The following WASF2 variants were observed in gnomAD, a reference collection of about 807,000 sequenced individuals.
The protein encoded by WASF2 is WASP family member 2.
In WASF2, 14 loss-of-function variants were observed where a neutral mutation model predicts 45.0. That is an observed-to-expected ratio of 0.31 (90% CI 0.21 to 0.49). The LOEUF (loss-of-function observed/expected upper bound fraction) is 0.49. Ranked by LOEUF, WASF2 falls within the 20% of genes least tolerant of loss-of-function variation. The probability of loss-of-function intolerance (pLI) is 0.99; values close to 1 mark genes in which losing one functional copy is unlikely to be tolerated. For synonymous variants in WASF2, 200 were observed against 236.3 expected (o/e 0.85, Z 1.41); for missense variants, 439 against 636.1 (o/e 0.69, Z 3.33).
At position 27,414,789 on chromosome 1, in the gene WASF2, G is replaced by A. The variant is rs770714048; in HGVS notation, c.668+44C>T. Reference sequence around the variant, plus strand: ...CAGAGCTGTCAGACTGTTGTCCCCAGCCCCTTCAAAGAATGCTACCAACAG... The same window carrying A: ...CAGAGCTGTCAGACTGTTGTCCCCAACCCCTTCAAAGAATGCTACCAACAG... On this transcript the variant is annotated intron_variant, in intron 6 of 8. Coordinates refer to ENST00000618852, the MANE Select transcript of WASF2 (RefSeq NM_006990.5). This position sits in a 1 kb window ranked among gnomAD's most constrained non-coding sequence, Gnocchi z 4.1. 3.1e-6 allele frequency: 5 copies of A among 1,606,282 alleles called. No individual in the cohort carries two copies. The Admixed American group carries it at 6.7e-5, about 22-fold the overall frequency.
At chr1:27,487,832 A>G (rs1442446017) in intron 1 of WASF2, among the ~76,000 whole-genome samples, 1 of 144,970 alleles carries the variant, frequency 6.9e-6, no homozygotes, top group African/African-American at 2.5e-5. Flanking sequence ...CCAAATTAGT[A>G]ATATGCTGAG....
At chr1:27,449,346 C>T (rs1221016987) in intron 1 of WASF2, among the ~76,000 whole-genome samples, 1 of 152,126 alleles carries the variant, frequency 6.6e-6, no homozygotes, top group Non-Finnish European at 1.5e-5. Context: ...GCCTATAATC[C>T]CAGCACTTTG....
At chr1:27,484,743 C>T (rs760604810) in intron 1 of WASF2, among the ~76,000 whole-genome samples, 19 of 148,510 alleles carry the variant, frequency 1.3e-4, no homozygotes, top group Non-Finnish European at 2.4e-4. Flanking sequence ...ACTCGGGAGG[C>T]GGAGGTTGCA....
rs748641427 is a variant in WASF2, at chr1:27,432,374, C to T, written c.-43-3441G>A. On this transcript the variant is annotated intron_variant, in intron 1 of 8. Transcript: ENST00000618852. ...TAAAAAAAGGCAGTTATAGGCCGGG[C>T]GCGGTGGCTCACGCCTGTAATTCCA... 3.3e-5 allele frequency among the ~76,000 whole-genome samples: 5 copies of T among 152,006 alleles called. No homozygotes were observed. The South Asian group carries it at 1.0e-3, about 31-fold the overall frequency.
At chr1:27,435,153 G>T (rs371333505) in intron 1 of WASF2, among the ~76,000 whole-genome samples, 18 of 152,208 alleles carry the variant, frequency 1.2e-4, no homozygotes, top group African/African-American at 3.9e-4. Flanking sequence ...CTCCATGTTG[G>T]TCAGGCTGGT....
chr1:27,443,331 A>G (rs76371555), intron 1 of WASF2, among the ~76,000 whole-genome samples: 1 of 89,642 alleles, frequency 1.1e-5, no homozygotes, highest in African/African-American at 4.1e-5. Flanking sequence ...AAAAAAAAAA[A>G]GGCCAGGCAC....
At chr1:27,415,111 G>A (rs562583912) in intron 5 of WASF2, 148 bp from the exon 6 acceptor site, 2 of 1,107,676 alleles carry the variant, frequency 1.8e-6, no homozygotes, top group South Asian at 1.6e-5. Flanking sequence ...TACTGGGTTT[G>A]AAGTGACCCA....
At chr1:27,464,213 C>A (rs2017585940) in intron 1 of WASF2, among the ~76,000 whole-genome samples, 1 of 151,568 alleles carries the variant, frequency 6.6e-6, no homozygotes, top group Admixed American at 6.6e-5. Flanking sequence ...AACCCCATCT[C>A]TACTAAAAAT....
intron 1 of WASF2, among the ~76,000 whole-genome samples, chr1:27,473,442 C>T (rs531214690): frequency 1.5e-5 from 2 of 130,308 alleles, no homozygotes; most frequent in Non-Finnish European, 3.1e-5. Context: ...AGCAAGACTC[C>T]AGACTCCATG....
intron 1 of WASF2, among the ~76,000 whole-genome samples, chr1:27,489,145 G>A (rs978316165): frequency 1.3e-5 from 2 of 151,722 alleles, no homozygotes; most frequent in Non-Finnish European, 1.5e-5. Context: ...GGAGAACCAA[G>A]AGGACCCCAG....
At chr1:27,466,435 G>C (rs185218257) in intron 1 of WASF2, among the ~76,000 whole-genome samples, 1 of 152,082 alleles carries the variant, frequency 6.6e-6, no homozygotes, top group African/African-American at 2.4e-5. Flanking sequence ...AAAAGCAACC[G>C]GATTCAGTTC....
rs1021065943 is a variant in WASF2, at chr1:27,439,471, C to T, written c.-43-10538G>A. On this transcript the variant is annotated intron_variant, in intron 1 of 8. Coordinates refer to ENST00000618852, the MANE Select transcript of WASF2 (RefSeq NM_006990.5). Reference sequence around the variant, plus strand: ...TTCAGGTCGTATTAATGGTTAACTACTAATTATAGTGCTGTTATCAATCAC... The same window carrying T: ...TTCAGGTCGTATTAATGGTTAACTATTAATTATAGTGCTGTTATCAATCAC... Among the ~76,000 whole-genome samples, 16 of 152,242 alleles carry T rather than the reference C, an allele frequency of 1.1e-4. 1 individual carries two copies. In the Middle Eastern group the frequency reaches 0.01, roughly 97 times the overall value.
intron 1 of WASF2, among the ~76,000 whole-genome samples, chr1:27,454,027 T>C (rs1308070584): frequency 6.6e-6 from 1 of 151,674 alleles, no homozygotes; most frequent in African/African-American, 2.4e-5. Context: ...TATAGTTTTA[T>C]CACATTTCTA....
intron 1 of WASF2, among the ~76,000 whole-genome samples, chr1:27,470,020 A>G (rs1211451815): frequency 2.0e-5 from 3 of 152,254 alleles, no homozygotes; most frequent in Non-Finnish European, 4.4e-5. Context: ...CCATCATAGA[A>G]GAGTGTCATA....
intron 2 of WASF2, among the ~76,000 whole-genome samples, chr1:27,424,725 T>C (rs914984375): frequency 4.6e-5 from 7 of 152,200 alleles, no homozygotes; most frequent in African/African-American, 1.7e-4. Flanking sequence ...TCTCACTATG[T>C]TGCCCAAGCT....
At chr1:27,466,993 T>G (rs1049333077) in intron 1 of WASF2, among the ~76,000 whole-genome samples, 1 of 151,854 alleles carries the variant, frequency 6.6e-6, no homozygotes, top group African/African-American at 2.4e-5. Context: ...GGCAGGCAGA[T>G]TGTTTGAGCC....
chr1:27,421,535 G>A (rs2016908380), intron 2 of WASF2, among the ~76,000 whole-genome samples: 1 of 152,072 alleles, frequency 6.6e-6, no homozygotes, highest in African/African-American at 2.4e-5. Context: ...AAAAAATTAG[G>A]CCAGGCGTGG....
chr1:27,449,076 T>C (rs1475789846), intron 1 of WASF2, among the ~76,000 whole-genome samples: 1 of 152,090 alleles, frequency 6.6e-6, no homozygotes, highest in Non-Finnish European at 1.5e-5. Flanking sequence ...GCGAAACACC[T>C]CTTGATAGGC....
intron 1 of WASF2, among the ~76,000 whole-genome samples, chr1:27,430,363 T>C (rs2017044692): frequency 6.6e-6 from 1 of 152,192 alleles, no homozygotes; most frequent in Non-Finnish European, 1.5e-5. Flanking sequence ...TTTTTTCTTA[T>C]TTTTTATTCT....
Sources: allele counts gnomAD v4.1 joint callset (sites outside exome capture counted in the v4.1 genomes callset), GRCh38; gene constraint gnomAD v4.1.1; non-coding constraint Gnocchi (gnomAD v3.1); transcripts MANE v1.5; gene names NCBI Gene and HGNC (gene_info 2026-07-23, HGNC 2026-07-21).